The following RIN2 variants were observed in gnomAD, a reference collection of about 807,000 sequenced individuals.
RIN2 encodes the protein Ras and Rab interactor 2, also known as RAB5 interacting protein 2.
In RIN2, 36 loss-of-function variants were observed where a neutral mutation model predicts 78.0. The ratio of observed to expected loss-of-function variants is 0.46; its 90% CI spans 0.35 to 0.61. The LOEUF (loss-of-function observed/expected upper bound fraction) is 0.61, where lower values mean the gene tolerates loss of function less well. Among genes scored for constraint, RIN2 ranks in the 20% least tolerant of loss-of-function variants. The pLI is 0.00. For missense variants in RIN2, 1,087 were observed against 1,159.7 expected (o/e 0.94, Z 0.91); for synonymous variants, 466 against 466.8 (o/e 1.00, Z 0.02).
intron 3 of RIN2, among the ~76,000 whole-genome samples, chr20:19,893,634 A>T (rs2038583352): frequency 6.6e-6 from 1 of 152,296 alleles, no homozygotes; most frequent in South Asian, 2.1e-4. Flanking sequence ...GATCACTGAG[A>T]TGCCCTGTGG....
chr20:19,891,397 C>A (rs1226647292), intron 3 of RIN2, among the ~76,000 whole-genome samples: 1 of 152,194 alleles, frequency 6.6e-6, no homozygotes, highest in Admixed American at 6.5e-5. Context: ...CAAAACCTCT[C>A]CTTAACCCAA....
chr20:19,916,919 C>T (rs1016046982), intron 3 of RIN2, among the ~76,000 whole-genome samples: 5 of 152,064 alleles, frequency 3.3e-5, no homozygotes, highest in African/African-American at 1.2e-4. Context: ...TCCATCTGTG[C>T]ATTTGAAATT....
intron 2 of RIN2, among the ~76,000 whole-genome samples, chr20:19,837,466 G>T (rs1211732881): frequency 1.3e-5 from 2 of 152,032 alleles, no homozygotes; most frequent in Admixed American, 1.3e-4. Context: ...TTGCGTTTTT[G>T]TTACTAGGAA....
intron 2 of RIN2, among the ~76,000 whole-genome samples, chr20:19,803,903 G>A (rs146841219): frequency 0.024 from 3,728 of 152,196 alleles, 63 homozygotes; most frequent in Non-Finnish European, 0.034. Flanking sequence ...TCCTTGAAGA[G>A]GCCCTTCACT....
chr20:19,869,222 G>T (rs144318684), intron 2 of RIN2, among the ~76,000 whole-genome samples: 1 of 152,278 alleles, frequency 6.6e-6, no homozygotes, highest in African/African-American at 2.4e-5. Flanking sequence ...AGGTTTGAAT[G>T]AAATTGATGA....
rs140139433 is a variant in RIN2 at position 19,878,994 on chromosome 20, G to A, written c.-36-10572G>A. Among the ~76,000 whole-genome samples, 396 of 152,298 alleles carry A rather than the reference G, an allele frequency of 2.6e-3. 2 individuals are homozygous for A. Among genetic ancestry groups the A allele is most frequent in the Non-Finnish European group, 4.5e-3 (304 of 68,030 alleles). ...AGTCAGACGTCTGAACAAGAGGATG[G>A]GGTGAGGTAGAACATTGAGAGGAAA... On this transcript the variant is annotated intron_variant, in intron 2 of 12. Transcript: ENST00000255006.
At position 19,872,455 on chromosome 20, in the gene RIN2, G is replaced by A. The variant is rs114891961; in HGVS notation, c.-36-17111G>A. On this transcript the variant is annotated intron_variant, in intron 2 of 12. Coordinates refer to ENST00000255006, the MANE Select transcript of RIN2 (RefSeq NM_018993.4). ...GATAAAATATGGATAAGATGCATGTGCGATTGTACCTCGCTCACTTCCTCC... is the reference window on the plus strand; with the variant it reads ...GATAAAATATGGATAAGATGCATGTACGATTGTACCTCGCTCACTTCCTCC... 2.9e-3 allele frequency among the ~76,000 whole-genome samples: 439 copies of A among 152,270 alleles called. 1 individual carries two copies. The highest frequency in any genetic ancestry group is 0.01 in the African/African-American group (420 of 41,546).
At chr20:19,820,145 C>A (rs1159834793) in intron 2 of RIN2, among the ~76,000 whole-genome samples, 1 of 152,182 alleles carries the variant, frequency 6.6e-6, no homozygotes, top group African/African-American at 2.4e-5. Flanking sequence ...ATTTTCACAT[C>A]AACATTGGTT....
chr20:19,790,040 AC>A (rs1365656869), intron 1 of RIN2, among the ~76,000 whole-genome samples: 6 of 152,076 alleles, frequency 3.9e-5, no homozygotes, highest in African/African-American at 1.4e-4. Context: ...TAATTTTATC[AC>A]GTTTTTATCA....
intron 5 of RIN2, among the ~76,000 whole-genome samples, chr20:19,959,319 C>T (rs1177645274): frequency 2.0e-5 from 3 of 152,160 alleles, no homozygotes; most frequent in Non-Finnish European, 2.9e-5. Flanking sequence ...GAGATCTCCA[C>T]TTGGAAAAGG....
chr20:19,942,173 A>G (rs1156573581), intron 4 of RIN2, among the ~76,000 whole-genome samples: 1 of 152,124 alleles, frequency 6.6e-6, no homozygotes, highest in Non-Finnish European at 1.5e-5. Flanking sequence ...ATACCATGAG[A>G]GTGGAGCCTG....
chr20:19,849,639 G>A (rs1166255095), intron 2 of RIN2, among the ~76,000 whole-genome samples: 1 of 152,130 alleles, frequency 6.6e-6, no homozygotes, highest in Non-Finnish European at 1.5e-5. Context: ...TTTTTCTACT[G>A]GGACCCATAA....
At position 19,970,800 on chromosome 20, in the gene RIN2, T is replaced by C. The variant is rs747565430; in HGVS notation, c.537-38T>C. The C allele has an allele frequency of 4.1e-5, 60 of 1,451,990 alleles. 3 individuals carry two copies. The South Asian group carries it at 6.9e-4, about 17-fold the overall frequency. The allele number at this position is 1,451,990 out of a possible 1,614,324, so 89.9% of individuals were successfully genotyped here. Reference sequence around the variant, plus strand: ...ATAAACACAAGATAGAAAGCAGACATGTAATTACAAACATTCTCTCTTTTT... The same window carrying C: ...ATAAACACAAGATAGAAAGCAGACACGTAATTACAAACATTCTCTCTTTTT... On this transcript the variant is annotated intron_variant, in intron 7 of 12. Coordinates refer to ENST00000255006, the MANE Select transcript of RIN2 (RefSeq NM_018993.4).
At chr20:19,804,521 A>T (rs114415693) in intron 2 of RIN2, among the ~76,000 whole-genome samples, 5,631 of 152,264 alleles carry the variant, frequency 0.037, 234 homozygotes, top group African/African-American at 0.1. Context: ...CATATATCAA[A>T]CCAGCCTTGC....
intron 1 of RIN2, among the ~76,000 whole-genome samples, chr20:19,776,842 A>T (rs953448970): frequency 6.6e-6 from 1 of 152,020 alleles, no homozygotes; most frequent in Non-Finnish European, 1.5e-5. Context: ...TACATCTTAC[A>T]TGTATTGATT....
chr20:19,812,221 A>G (rs997733852), intron 2 of RIN2, among the ~76,000 whole-genome samples: 5 of 152,042 alleles, frequency 3.3e-5, no homozygotes, highest in Non-Finnish European at 5.9e-5. Context: ...ACTTCTCTTG[A>G]GTAAATACCT....
At chr20:19,860,240 C>A (rs1368780608) in intron 2 of RIN2, among the ~76,000 whole-genome samples, 1 of 152,212 alleles carries the variant, frequency 6.6e-6, no homozygotes, top group Non-Finnish European at 1.5e-5. Flanking sequence ...AGAAATGGAA[C>A]TCCTGACTGG....
intron 4 of RIN2, among the ~76,000 whole-genome samples, chr20:19,940,001 C>T (rs765415111): frequency 2.6e-5 from 4 of 152,030 alleles, no homozygotes; most frequent in Admixed American, 6.6e-5. Context: ...ATTACAGGCA[C>T]GCGCCACCAC....
intron 3 of RIN2, among the ~76,000 whole-genome samples, chr20:19,926,027 G>A (rs2040208880): frequency 6.6e-6 from 1 of 152,198 alleles, no homozygotes; most frequent in Non-Finnish European, 1.5e-5. Context: ...TACAACAAAT[G>A]AACCAGGGCT....
Sources: allele counts gnomAD v4.1 joint callset (sites outside exome capture counted in the v4.1 genomes callset), GRCh38; gene constraint gnomAD v4.1.1; transcripts MANE v1.5; gene names NCBI Gene and HGNC (gene_info 2026-07-23, HGNC 2026-07-21).